The following CHRNA6 variants were observed in gnomAD, a reference collection of about 807,000 sequenced individuals.
CHRNA6 encodes the protein neuronal acetylcholine receptor subunit alpha-6.
A neutral mutation model predicts 40.9 loss-of-function variants in CHRNA6; 31 were observed. The observed-to-expected ratio is 0.76, with a 90% confidence interval of 0.57 to 1.02. The LOEUF is 1.02. Among genes scored for constraint, CHRNA6 ranks in the 50% least tolerant of loss-of-function variants. CHRNA6 has a pLI of 0.00. For synonymous variants in CHRNA6, 222 were observed against 221.3 expected (o/e 1.00, Z -0.03); for missense variants, 546 against 596.6 (o/e 0.92, Z 0.88).
intron 2 of CHRNA6, among the ~76,000 whole-genome samples, chr8:42,760,501 C>T (rs1471074875): frequency 6.6e-6 from 1 of 152,046 alleles, no homozygotes; most frequent in African/African-American, 2.4e-5. Flanking sequence ...CACATGCACT[C>T]ACTCATGCAC....
Position 42,756,479 on chromosome 8 carries a change from C to A in CHRNA6, c.720G>T (p.Pro240=). 6.2e-7 allele frequency: 1 copy of A among 1,614,114 alleles called. No homozygotes were observed. Among genetic ancestry groups the A allele is most frequent in the Non-Finnish European group, 8.5e-7 (1 of 1,179,988 alleles). The change falls in exon 5 of 6, where the codon CCG becomes CCT. Residue 240 remains proline, a synonymous_variant. Coordinates refer to ENST00000276410, the MANE Select transcript of CHRNA6 (RefSeq NM_004198.3). Reference sequence around the variant, plus strand: ...TGATCAGATTAATCGTGTAAAACATCGGCAATCTTCTAATGTAGAAAGAAT... The same window carrying A: ...TGATCAGATTAATCGTGTAAAACATAGGCAATCTTCTAATGTAGAAAGAAT... The part of the protein sequence containing the change: ...ITYSFYIRRL[P]MFYTINLIIP...
At chr8:42,757,700 T>C (rs1816826906) in intron 3 of CHRNA6, among the ~76,000 whole-genome samples, 1 of 130,916 alleles carries the variant, frequency 7.6e-6, no homozygotes, top group South Asian at 2.4e-4. Context: ...GCCACTGCAC[T>C]CCAGCCTAGG....
intron 5 of CHRNA6, among the ~76,000 whole-genome samples, chr8:42,755,503 C>T (rs935692372): frequency 6.6e-6 from 1 of 152,192 alleles, no homozygotes; most frequent in Non-Finnish European, 1.5e-5. Context: ...TCTCAAACTC[C>T]TGACTTCAGG....
chr8:42,765,261 C>A (rs11985288), intron 1 of CHRNA6, 57 bp from the exon 2 acceptor site: 25,620 of 1,584,324 alleles, frequency 0.016, 314 homozygotes, highest in African/African-American at 0.056. Context: ...GCCACTGCAG[C>A]GATTCTAGGC....
Position 42,756,975 on chromosome 8 carries a change from G to A in CHRNA6, c.327C>T (p.Arg109=), listed in dbSNP as rs1186664338. ...GCTTCCAAATCTTATCTGCAGGAAC[G>A]CGAAGAGTCTCAATGCCATCATATT... The part of the protein sequence containing the change: ...PMEYDGIETL[R]VPADKIWKPD... The change falls in exon 4 of 6, where the codon CGC becomes CGT. Residue 109 remains arginine, a synonymous_variant. Coordinates refer to ENST00000276410, the MANE Select transcript of CHRNA6 (RefSeq NM_004198.3). The A allele has an allele frequency of 5.6e-6, 9 of 1,613,858 alleles. No homozygotes were observed. Among genetic ancestry groups the A allele is most frequent in the South Asian group, 1.1e-5 (1 of 91,078 alleles).
intron 3 of CHRNA6, among the ~76,000 whole-genome samples, chr8:42,757,828 T>C (rs552734902): frequency 6.7e-6 from 1 of 150,310 alleles, no homozygotes; most frequent in South Asian, 2.1e-4. Context: ...TGTCAGGAGA[T>C]CGAGACCATC....
chr8:42,768,462 G>C lies in CHRNA6; in HGVS notation c.-32C>G, dbSNP rs201227941. ...AACACACTTGGATTCCTTTTTCCTA[G>C]GCAAAGGATTGTGGAAAACAAAGAG... On this transcript the variant is annotated 5_prime_UTR_variant, in exon 1 of 6. Transcript: ENST00000276410. 2 of 1,572,708 alleles carry C rather than the reference G, an allele frequency of 1.3e-6. No individual in the cohort carries two copies. The highest frequency in any genetic ancestry group is 2.7e-5 in the African/African-American group (2 of 74,080).
chr8:42,752,920 G>T lies in CHRNA6; in HGVS notation c.*259C>A. 1 of 310,912 alleles carries T rather than the reference G, an allele frequency of 3.2e-6. No homozygotes were observed. Among genetic ancestry groups the T allele is most frequent in the Non-Finnish European group, 5.9e-6 (1 of 170,574 alleles). 19.3% of individuals were successfully genotyped at this position (310,912 alleles called of 1,614,324 possible). On this transcript the variant is annotated 3_prime_UTR_variant, in exon 6 of 6. Transcript: ENST00000276410. ...TTAGAAGCCAAACACACAGACACGA[G>T]AAACCTGACCTGATACTGTAGCCGT...
chr8:42,753,910 T>C (rs1816756453), intron 5 of CHRNA6, among the ~76,000 whole-genome samples: 1 of 152,098 alleles, frequency 6.6e-6, no homozygotes, highest in African/African-American at 2.4e-5. Flanking sequence ...ACTCATTCTT[T>C]GCAACGGTGG....
intron 5 of CHRNA6, 103 bp downstream of exon 5, chr8:42,755,743 C>T: frequency 2.2e-6 from 3 of 1,347,636 alleles, no homozygotes; most frequent in Non-Finnish European, 3.1e-6. Context: ...GCCGCCTGAC[C>T]CTCTCAGGAA....
At chr8:42,763,471 G>T (rs924415494) in intron 2 of CHRNA6, among the ~76,000 whole-genome samples, 4 of 152,158 alleles carry the variant, frequency 2.6e-5, no homozygotes, top group Non-Finnish European at 4.4e-5. Context: ...GTCAAAATCT[G>T]CATTTACCAG....
intron 2 of CHRNA6, among the ~76,000 whole-genome samples, chr8:42,762,316 T>C (rs888258464): frequency 7.2e-5 from 11 of 152,180 alleles, no homozygotes; most frequent in African/African-American, 2.7e-4. Context: ...GACCAAAAAC[T>C]GGAATCAGCT....
intron 1 of CHRNA6, 23 bp downstream of exon 1, chr8:42,768,329 G>A (rs199914382): frequency 2.6e-5 from 41 of 1,585,516 alleles, no homozygotes; most frequent in Non-Finnish European, 3.5e-5. Flanking sequence ...GGGAATAGAA[G>A]ATAAAGCAGA....
chr8:42,768,276 T>C (rs1816999179), intron 1 of CHRNA6, 76 bp downstream of exon 1: 1 of 1,207,666 alleles, frequency 8.3e-7, no homozygotes, highest in African/African-American at 1.5e-5. Flanking sequence ...ATATATCTTC[T>C]CAAGCACAAC....
chr8:42,755,950 G>A lies in CHRNA6; in HGVS notation c.1249C>T (p.Gln417Ter). 4.3e-6 allele frequency: 7 copies of A among 1,614,216 alleles called. No homozygotes were observed. Among genetic ancestry groups the A allele is most frequent in the Non-Finnish European group, 5.1e-6 (6 of 1,180,036 alleles). The change falls in exon 5 of 6, where the codon CAG becomes TAG. Residue 417 changes from glutamine to a stop codon, truncating the protein, a stop_gained. Transcript: ENST00000276410. LOFTEE classifies it high-confidence loss of function. ...TGCTCCGAATTTTCCACCACCCACT[G>A]TAATGGCTGATGACTTAATCTTCTC... ...SKRRLSHQPL[Q>*]WVVENSEHSP...
At chr8:42,767,981 CTGAG>C (rs1339502196) in intron 1 of CHRNA6, among the ~76,000 whole-genome samples, 1 of 152,164 alleles carries the variant, frequency 6.6e-6, no homozygotes, top group Non-Finnish European at 1.5e-5. Context: ...GGTTCATTGA[CTGAG>C]TAATAGTATC....
chr8:42,755,890 G>A lies in CHRNA6; in HGVS notation c.1309C>T (p.Gln437Ter). 6.2e-7 allele frequency: 1 copy of A among 1,614,160 alleles called. No individual in the cohort carries two copies. The highest frequency in any genetic ancestry group is 8.5e-7 in the Non-Finnish European group (1 of 1,180,012). ...PEVEDVINSVQFIAENMKSHN... is the reference protein window; with the variant it reads ...PEVEDVINSV ...CTCTTCATGTTTTCTGCTATGAACT[G>A]AACACTGTTAATCACATCTTCAACT... The change falls in exon 5 of 6, where the codon CAG (glutamine) becomes TAG (stop). Residue 437 changes from glutamine to a stop codon, truncating the protein, a stop_gained. Transcript: ENST00000276410. LOFTEE classifies it high-confidence loss of function.
chr8:42,760,051 TAAG>T (rs1318443479), intron 2 of CHRNA6, among the ~76,000 whole-genome samples: 1 of 152,164 alleles, frequency 6.6e-6, no homozygotes, highest in Non-Finnish European at 1.5e-5. Context: ...AATACAGCAA[TAAG>T]AAGTTGGGAA....
In CHRNA6 at chr8:42,765,065, C is replaced by T. The variant is rs202064740; in HGVS notation, c.219G>A (p.Val73=). The change falls in exon 2 of 6, where the codon GTG becomes GTA. Residue 73 remains valine (V), a splice_region_variant and synonymous_variant. Transcript: ENST00000276410. ...AAAGCTCTGATCAGAGGGCACTCAC[C>T]ACGTTGGCCAGCTGGGTGATGGCCA... ...FEVAITQLAN[V]DEVNQIMETN... 6.2e-7 allele frequency: 1 copy of T among 1,614,020 alleles called. No individual in the cohort carries two copies. The highest frequency in any genetic ancestry group is 8.5e-7 in the Non-Finnish European group (1 of 1,179,918).
Sources: allele counts gnomAD v4.1 joint callset (sites outside exome capture counted in the v4.1 genomes callset), GRCh38; gene constraint gnomAD v4.1.1; transcripts MANE v1.5; gene names NCBI Gene and HGNC (gene_info 2026-07-23, HGNC 2026-07-21).